EP400: variants seen among roughly 807,000 people sequenced by gnomAD.
The protein encoded by EP400 is E1A-binding protein p400.
In EP400, 105 loss-of-function variants were observed where a neutral mutation model predicts 354.1. That is an observed-to-expected ratio of 0.30 (90% confidence interval 0.25 to 0.35). The LOEUF (loss-of-function observed/expected upper bound fraction) is 0.35. Ranked by LOEUF, EP400 falls within the 10% of genes least tolerant of loss-of-function variation. The pLI is 1.00. For synonymous variants in EP400, 1,646 were observed against 1,716.9 expected (o/e 0.96, Z 1.02); for missense variants, 3,280 against 4,121.0 (o/e 0.80, Z 5.59).
Position 132,013,196 on chromosome 12 carries a change from T to A in EP400, c.3611+18T>A. Reference sequence around the variant, plus strand: ...CTGCAGAGGTCTGTGTGTTACGCGCTTGTCATTGAGTGTTCTTTGCTGTTG... The same window carrying A: ...CTGCAGAGGTCTGTGTGTTACGCGCATGTCATTGAGTGTTCTTTGCTGTTG... On this transcript the variant is annotated intron_variant, in intron 17 of 52. Transcript: ENST00000389561. This position sits in a 1 kb window ranked among gnomAD's most constrained non-coding sequence, Gnocchi z 4.5. 5.6e-6 allele frequency: 9 copies of A among 1,595,390 alleles called. No individual in the cohort carries two copies. Among genetic ancestry groups the A allele is most frequent in the Non-Finnish European group, 7.7e-6 (9 of 1,167,494 alleles).
chr12:131,963,468 T>C, intron 2 of EP400: 1 of 1,249,716 alleles, frequency 8.0e-7, no homozygotes, highest in Non-Finnish European at 1.1e-6. Context: ...AATAAAATTC[T>C]AACAAAATTT....
chr12:131,952,649 A>G (rs1891552628), intron 1 of EP400, among the ~76,000 whole-genome samples: 1 of 152,080 alleles, frequency 6.6e-6, no homozygotes, highest in Non-Finnish European at 1.5e-5. Context: ...ACACTATCTC[A>G]CTGTGTTGCC....
intron 45 of EP400, among the ~76,000 whole-genome samples, chr12:132,058,417 C>T (rs906251672): frequency 6.8e-6 from 1 of 146,740 alleles, no homozygotes; most frequent in South Asian, 2.1e-4. Flanking sequence ...TGCAGTGGTG[C>T]GATCTCGGCT....
chr12:131,950,086 C>T lies in EP400; in HGVS notation c.-36+50C>T, dbSNP rs61942452. The T allele has an allele frequency of 8.5e-3, 1,295 of 151,942 alleles. 8 individuals carry two copies. The highest frequency in any genetic ancestry group is 0.014 in the Admixed American group (221 of 15,252). 9.4% of individuals were successfully genotyped at this position (151,942 alleles called of 1,614,324 possible). ...CGGGGGCGGGAGGCTCTCGGGACGG[C>T]AGCGTCCAGGGTCCGGGGTCGCGTA... On this transcript the variant is annotated intron_variant, in intron 1 of 52. Coordinates refer to ENST00000389561, the MANE Select transcript of EP400 (RefSeq NM_015409.5).
intron 16 of EP400, 34 bp downstream of exon 16, chr12:132,011,668 C>G: frequency 6.4e-7 from 1 of 1,566,976 alleles, no homozygotes; most frequent in Non-Finnish European, 8.6e-7. Flanking sequence ...TAAAGCTAAA[C>G]AGAAAGCCAT....
intron 47 of EP400, 82 bp from the exon 48 acceptor site, chr12:132,064,586 G>C: frequency 6.5e-7 from 1 of 1,537,050 alleles, no homozygotes; most frequent in Non-Finnish European, 8.8e-7. Context: ...GGGCAGTAGA[G>C]GGGTGGCTTA....
At chr12:131,974,331 G>T (rs150151170) in intron 2 of EP400, among the ~76,000 whole-genome samples, 1 of 151,990 alleles carries the variant, frequency 6.6e-6, no homozygotes, top group African/African-American at 2.4e-5. Flanking sequence ...GCCTGGGCTG[G>T]TCTTGAACTC....
At position 132,045,810 on chromosome 12, in the gene EP400, C is replaced by T. The variant is rs764114457; in HGVS notation, c.7110C>T (p.Asp2370=). 4.3e-6 allele frequency: 7 copies of T among 1,614,112 alleles called. No individual in the cohort carries two copies. Among genetic ancestry groups the T allele is most frequent in the South Asian group, 1.1e-5 (1 of 91,088 alleles). ...CACCTAATTGGGATCTTGTCAGTGACGTTGTTAACTCCTGTAGCCGAATCT... is the reference window on the plus strand; with the variant it reads ...CACCTAATTGGGATCTTGTCAGTGATGTTGTTAACTCCTGTAGCCGAATCT... The part of the protein sequence containing the change: ...AHTPNWDLVS[D]VVNSCSRIYR... The change falls in exon 39 of 53, where the codon GAC becomes GAT. Residue 2370 remains aspartate (D), a synonymous_variant. Transcript: ENST00000389561.
In EP400 at chr12:132,043,885, C is replaced by T. The variant is rs113218925; in HGVS notation, c.6450+157C>T. Reference sequence around the variant, plus strand: ...AAAATGAAGAGAGTCTCGAGAAGCCCGTAGGGACCGTGGAGCTTGTTCACC... The same window carrying T: ...AAAATGAAGAGAGTCTCGAGAAGCCTGTAGGGACCGTGGAGCTTGTTCACC... On this transcript the variant is annotated intron_variant, in intron 34 of 52. Transcript: ENST00000389561. 3.2e-3 allele frequency among the ~76,000 whole-genome samples: 494 copies of T among 152,262 alleles called. 1 individual carries two copies. Among genetic ancestry groups the T allele is most frequent in the African/African-American group, 0.011 (465 of 41,544 alleles).
At chr12:131,952,081 C>T (rs1188130891) in intron 1 of EP400, among the ~76,000 whole-genome samples, 1 of 151,752 alleles carries the variant, frequency 6.6e-6, no homozygotes, top group East Asian at 2.0e-4. Flanking sequence ...AGCCACTGCA[C>T]CTGGCCTTTT....
At position 132,017,830 on chromosome 12, in the gene EP400, C is replaced by G. The variant is rs551216679; in HGVS notation, c.4110+109C>G. The G allele has an allele frequency of 7.4e-6, 9 of 1,214,330 alleles. No individual in the cohort carries two copies. Among genetic ancestry groups the G allele is most frequent in the South Asian group, 1.6e-5 (1 of 60,740 alleles). 75.2% of individuals were successfully genotyped at this position (1,214,330 alleles called of 1,614,324 possible). A position where few individuals can be genotyped will look rare whatever the true frequency, so the allele number is the denominator to read the frequency against. On this transcript the variant is annotated intron_variant, in intron 20 of 52. Transcript: ENST00000389561. This position sits in a 1 kb window ranked among gnomAD's most constrained non-coding sequence, Gnocchi z 5.0. ...TTCTCAACCAGCTCTTCTGCAATTG[C>G]AATTGCAGCTCCGCGATACATGGCA...
intron 19 of EP400, among the ~76,000 whole-genome samples, chr12:132,015,296 T>C (rs1229964496): frequency 1.3e-5 from 2 of 152,214 alleles, no homozygotes; most frequent in African/African-American, 4.8e-5. Flanking sequence ...TCTCCAAGCA[T>C]TGTAGAAACT....
chr12:132,011,393 G>A lies in EP400; in HGVS notation c.3305-105G>A. Reference sequence around the variant, plus strand: ...CTGCCTCAGTCGTGCGATGGCTCATGTGACACATACTCATACTGATGAAGC... The same window carrying A: ...CTGCCTCAGTCGTGCGATGGCTCATATGACACATACTCATACTGATGAAGC... On this transcript the variant is annotated intron_variant, in intron 15 of 52. Coordinates refer to ENST00000389561, the MANE Select transcript of EP400 (RefSeq NM_015409.5). 3 of 1,399,074 alleles carry A rather than the reference G, an allele frequency of 2.1e-6. No individual in the cohort carries two copies. In the Admixed American group the frequency reaches 6.6e-5, roughly 31 times the overall value. 86.7% of individuals were successfully genotyped at this position (1,399,074 alleles called of 1,614,324 possible).
intron 16 of EP400, among the ~76,000 whole-genome samples, chr12:132,012,355 T>C (rs1029348636): frequency 6.6e-6 from 1 of 152,198 alleles, no homozygotes; most frequent in Admixed American, 6.5e-5. Flanking sequence ...GCAGATTTAG[T>C]GTCTGGTGAG....
rs199943311 is a variant in EP400 at position 132,077,620 on chromosome 12, A to G, written c.9319A>G (p.Met3107Val). Residue 3107 changes from methionine (M) to valine (V), a missense_variant, in exon 53 of 53, where the codon ATG becomes GTG. Transcript: ENST00000389561. ...DSPSQQPKLQMRVPAVRLKTP... is the reference protein window; with the variant it reads ...DSPSQQPKLQVRVPAVRLKTP... ...CCCAAGCCAGCAGCCCAAGTTACAG[A>G]TGAGGGTCCCTGCTGTCAGGCTAAA... 22 of 1,613,852 alleles carry G rather than the reference A, an allele frequency of 1.4e-5. No homozygotes were observed. The East Asian group carries it at 4.0e-4, about 29-fold the overall frequency.
chr12:131,986,750 G>C lies in EP400; in HGVS notation c.2166G>C (p.Gln722His), dbSNP rs1892868013. The change falls in exon 6 of 53, where the codon CAG becomes CAC. Residue 722 changes from glutamine (Q) to histidine (H), a missense_variant. Physicochemically the swap from Gln to His is conservative, Grantham distance 24. Around this residue, in one of 20 missense-constraint regions of EP400, gnomAD observed 800 missense variants for 840.0 expected, o/e 0.95. Transcript: ENST00000389561. The part of the protein sequence containing the change: ...SAPTKPQSPA[Q>H]NATSSQDSSQ... ...CCACCAAACCACAGAGTCCTGCTCA[G>C]AATGCCACCTCGTCCCAAGACAGTT... The C allele has an allele frequency of 2.5e-6, 4 of 1,614,042 alleles. No individual in the cohort carries two copies. Among genetic ancestry groups the C allele is most frequent in the Admixed American group, 1.7e-5 (1 of 59,990 alleles).
Position 131,982,144 on chromosome 12 carries a change from G to T in EP400, c.1595G>T (p.Ser532Ile). Reference sequence around the variant, plus strand: ...GCGCAGCTCGCTGGACAGAGGCAGAGTCAGCAGCAGTATGACCCCTCCACG... The same window carrying T: ...GCGCAGCTCGCTGGACAGAGGCAGATTCAGCAGCAGTATGACCCCTCCACG... ...QAAQLAGQRQ[S>I]QQQYDPSTGP... The change falls in exon 5 of 53, where the codon AGT (serine) becomes ATT (isoleucine). Residue 532 changes from serine (S) to isoleucine (I), a missense_variant. Physicochemically the swap from Ser to Ile is moderately radical, Grantham distance 142 (BLOSUM62 -2). Transcript: ENST00000389561. The T allele has an allele frequency of 6.3e-7, 1 of 1,588,858 alleles. No homozygotes were observed.
rs111288411 is a variant in EP400, at chr12:132,053,231, G to A, written c.7473+7G>A. 1.5e-5 allele frequency: 25 copies of A among 1,613,494 alleles called. No individual in the cohort carries two copies. The highest frequency in any genetic ancestry group is 1.1e-4 in the South Asian group (10 of 91,052). Reference sequence around the variant, plus strand: ...AATCGCAAAAGAGAAAAAGGTCAGCGCCCTGGGCCCTTCTGCTTGAGTGGG... The same window carrying A: ...AATCGCAAAAGAGAAAAAGGTCAGCACCCTGGGCCCTTCTGCTTGAGTGGG... On this transcript the variant is annotated splice_region_variant and intron_variant, in intron 42 of 52. Coordinates refer to ENST00000389561, the MANE Select transcript of EP400 (RefSeq NM_015409.5).
Position 131,979,704 on chromosome 12 carries a change from T to G in EP400, c.1346T>G (p.Leu449Arg). 6.2e-7 allele frequency: 1 copy of G among 1,607,522 alleles called. No homozygotes were observed. Among genetic ancestry groups the G allele is most frequent in the Non-Finnish European group, 8.5e-7 (1 of 1,177,074 alleles). The change falls in exon 3 of 53, where the codon CTC becomes CGC. Residue 449 changes from leucine (L) to arginine (R), a missense_variant. By Grantham distance (102) the Leu-to-Arg change is moderately radical. Transcript: ENST00000389561. ...CATCTTTTTTCCCAGCAGCAAGCCC[T>G]CGCAGGGAGCCTGGTAGCAGGGGCC... ...SEVINDEQQA[L>R]AGSLVAGAGS...
Sources: allele counts gnomAD v4.1 joint callset (sites outside exome capture counted in the v4.1 genomes callset), GRCh38; gene constraint gnomAD v4.1.1; regional missense constraint gnomAD v4.1.1; non-coding constraint Gnocchi (gnomAD v3.1); transcripts MANE v1.5; gene names NCBI Gene and HGNC (gene_info 2026-07-23, HGNC 2026-07-21).